DPP6: variants seen among roughly 807,000 people sequenced by gnomAD.
DPP6 encodes dipeptidyl peptidase like 6.
DPP6 carries 69 observed loss-of-function variants against 122.6 expected under a neutral mutation model. The observed-to-expected ratio is 0.56, with a 90% CI of 0.46 to 0.69. The LOEUF (loss-of-function observed/expected upper bound fraction) is 0.69, where lower values mean the gene tolerates loss of function less well. Ranked by LOEUF, DPP6 falls within the 30% of genes least tolerant of loss-of-function variation. DPP6 has a pLI of 0.00. For synonymous variants in DPP6, 418 were observed against 433.1 expected (o/e 0.97, Z 0.43); for missense variants, 928 against 1,116.9 (o/e 0.83, Z 2.41).
rs1298526876 is a variant in DPP6, at chr7:154,543,340, C to T, written c.552+2714C>T. Among the ~76,000 whole-genome samples the T allele has an allele frequency of 3.3e-5, 5 of 152,102 alleles. No homozygotes were observed. The South Asian group carries it at 6.2e-4, about 19-fold the overall frequency. ...CCTCTAATAACCTCATTCTCTTTCC[C>T]GAGCCAATAAAAACAGACCCTCCTC... On this transcript the variant is annotated intron_variant, in intron 4 of 25. Coordinates refer to ENST00000377770, the MANE Select transcript of DPP6 (RefSeq NM_130797.4).
At chr7:154,643,641 T>C (rs1216563472) in intron 6 of DPP6, among the ~76,000 whole-genome samples, 1 of 152,022 alleles carries the variant, frequency 6.6e-6, no homozygotes, top group African/African-American at 2.4e-5. Context: ...GCTAATTTTT[T>C]GTATTTTTAG....
intron 3 of DPP6, among the ~76,000 whole-genome samples, chr7:154,505,112 C>G (rs959287193): frequency 6.6e-5 from 10 of 152,182 alleles, no homozygotes; most frequent in African/African-American, 2.2e-4. Flanking sequence ...ATACTGTAGT[C>G]TCTTCAGAGA....
At chr7:154,532,077 T>C (rs1055947197) in intron 3 of DPP6, among the ~76,000 whole-genome samples, 2 of 152,116 alleles carry the variant, frequency 1.3e-5, no homozygotes, top group South Asian at 4.1e-4. Context: ...GCATATGGTA[T>C]ATTTAAAGGT....
intron 4 of DPP6, among the ~76,000 whole-genome samples, chr7:154,548,325 G>A (rs549448797): frequency 1.6e-3 from 247 of 152,160 alleles, no homozygotes; most frequent in Non-Finnish European, 2.4e-3. Flanking sequence ...AGCACTTTGG[G>A]AGGCTGAGGT....
intron 17 of DPP6, among the ~76,000 whole-genome samples, chr7:154,856,072 G>A (rs1229094857): frequency 1.3e-5 from 2 of 152,120 alleles, no homozygotes; most frequent in Admixed American, 6.5e-5. Flanking sequence ...TGCACTATTT[G>A]TGCAACTTCC....
In DPP6 at chr7:154,853,782, C is replaced by T; in HGVS notation, c.1669C>T (p.Pro557Ser). 1.9e-6 allele frequency: 3 copies of T among 1,613,794 alleles called. No homozygotes were observed. The highest frequency in any genetic ancestry group is 1.6e-4 in the Middle Eastern group (1 of 6,062). Residue 557 changes from proline to serine, a missense_variant and splice_region_variant, in exon 17 of 26, where the codon CCT becomes TCT. By Grantham distance (74) the Pro-to-Ser change is moderately conservative. Transcript: ENST00000377770. ...TGGCTATTCTCTACCCAACACAGGTCCTGGTGTTCCTATGGTGACGGTGCA... is the reference window on the plus strand; with the variant it reads ...TGGCTATTCTCTACCCAACACAGGTTCTGGTGTTCCTATGGTGACGGTGCA... ...MDFFLLKCEGPGVPMVTVHNT... is the reference protein window; with the variant it reads ...MDFFLLKCEGSGVPMVTVHNT...
At chr7:154,493,505 C>T (rs924140382) in intron 3 of DPP6, among the ~76,000 whole-genome samples, 1 of 148,818 alleles carries the variant, frequency 6.7e-6, no homozygotes, top group Non-Finnish European at 1.5e-5. Context: ...GACAGCAAAA[C>T]TAAAATATTT....
At chr7:154,207,891 G>T (rs1402522689) in intron 1 of DPP6, among the ~76,000 whole-genome samples, 1 of 151,590 alleles carries the variant, frequency 6.6e-6, no homozygotes, top group African/African-American at 2.4e-5. Context: ...GGAGGCAGAG[G>T]TTGCAGTGGG....
intron 1 of DPP6, among the ~76,000 whole-genome samples, chr7:154,083,118 G>A (rs1804148718): frequency 6.6e-6 from 1 of 151,918 alleles, no homozygotes; most frequent in Admixed American, 6.6e-5. Flanking sequence ...CAAAGTGCTG[G>A]GATTACAGGC....
intron 1 of DPP6, among the ~76,000 whole-genome samples, chr7:154,072,791 G>T (rs1803217841): frequency 6.6e-6 from 1 of 152,266 alleles, no homozygotes; most frequent in Admixed American, 6.5e-5. Flanking sequence ...GCTTGGGCTT[G>T]ATGTCCCTGG....
At chr7:154,847,304 T>A (rs1168598429) in intron 16 of DPP6, among the ~76,000 whole-genome samples, 6 of 152,206 alleles carry the variant, frequency 3.9e-5, no homozygotes, top group African/African-American at 9.7e-5. Context: ...TATATTATTA[T>A]GAATACATAG....
At chr7:154,499,638 A>T (rs1226298049) in intron 3 of DPP6, among the ~76,000 whole-genome samples, 1 of 150,308 alleles carries the variant, frequency 6.7e-6, no homozygotes, top group Non-Finnish European at 1.5e-5. Context: ...AAATTCTGTG[A>T]TGTTTAAAAT....
chr7:153,887,004 G>A (rs908080866), upstream of DPP6: 2 of 152,402 alleles, frequency 1.3e-5, no homozygotes, highest in African/African-American at 4.8e-5. Context: ...GCGTCTACCC[G>A]AGGAGGGGTG....
chr7:153,813,587 T>C, the DPP6 span, among the ~76,000 whole-genome samples: 10 of 152,222 alleles, frequency 6.6e-5, no homozygotes, highest in Admixed American at 5.2e-4. Context: ...TCTAGATCCC[T>C]GAGGAATCGC....
the DPP6 span, among the ~76,000 whole-genome samples, chr7:153,777,810 C>A: frequency 7.2e-6 from 1 of 139,354 alleles, no homozygotes; most frequent in East Asian, 2.0e-4. Flanking sequence ...GTATTAAAAT[C>A]TTGGTAGTTA....
chr7:154,171,953 C>T lies in DPP6; in HGVS notation c.243+118890C>T, dbSNP rs189626860. Among the ~76,000 whole-genome samples, 215 of 152,246 alleles carry T rather than the reference C, an allele frequency of 1.4e-3. 2 individuals are homozygous for T. Among genetic ancestry groups the T allele is most frequent in the Non-Finnish European group, 1.3e-4 (9 of 68,008 alleles). Reference sequence around the variant, plus strand: ...TAGTTTTGTTTGTTTTCCTGACTAACGTTATGAAACAGTATTACTCTCCTG... The same window carrying T: ...TAGTTTTGTTTGTTTTCCTGACTAATGTTATGAAACAGTATTACTCTCCTG... On this transcript the variant is annotated intron_variant, in intron 1 of 25. Coordinates refer to ENST00000377770, the MANE Select transcript of DPP6 (RefSeq NM_130797.4).
intron 6 of DPP6, among the ~76,000 whole-genome samples, chr7:154,658,529 G>C (rs922141029): frequency 6.6e-5 from 10 of 152,204 alleles, no homozygotes; most frequent in African/African-American, 1.9e-4. Context: ...AGGTACTTCA[G>C]TGTGTCCGGG....
At chr7:153,804,393 C>T in the DPP6 span, among the ~76,000 whole-genome samples, 264 of 152,074 alleles carry the variant, frequency 1.7e-3, 4 homozygotes, top group Non-Finnish European at 1.4e-3. Flanking sequence ...CTCATGGTAC[C>T]GTCATTCATC....
chr7:154,610,705 CTCTGTGTG>C (rs149388738), intron 5 of DPP6, among the ~76,000 whole-genome samples: 24,216 of 140,552 alleles, frequency 0.17, 2,020 homozygotes, highest in Admixed American at 0.25. Context: ...CTGTGTTGTT[CTCTGTGTG>C]TGTGTGTGTG....
Sources: gnomAD v4.1 joint callset for allele counts (sites outside exome capture counted in the v4.1 genomes callset) on GRCh38, gnomAD v4.1.1 for gene constraint, MANE v1.5 for transcripts, NCBI Gene and HGNC (gene_info 2026-07-23, HGNC 2026-07-21) for gene names.